The following SYCP2L variants were observed in gnomAD, a reference collection of about 807,000 sequenced individuals.
SYCP2L encodes the protein synaptonemal complex protein 2-like.
Under a neutral mutation model 125.8 loss-of-function variants are expected in SYCP2L, and 98 were observed. The ratio of observed to expected loss-of-function variants is 0.78; its 90% confidence interval spans 0.66 to 0.92. The LOEUF (loss-of-function observed/expected upper bound fraction) is 0.92, where lower values mean the gene tolerates loss of function less well. SYCP2L is among the 40% of genes least tolerant of loss of function. The pLI, the probability that SYCP2L is intolerant of heterozygous loss-of-function variation, is 0.00. For missense variants in SYCP2L, 842 were observed against 936.4 expected, an observed-to-expected ratio of 0.90 and a Z score of 1.32; for synonymous variants, 317 against 325.4, an observed-to-expected ratio of 0.97 and a Z score of 0.28.
rs180793080 is a variant in SYCP2L, at chr6:10,917,258, G to A, written c.1072+4331G>A. 3.4e-4 allele frequency among the ~76,000 whole-genome samples: 52 copies of A among 152,246 alleles called. 1 individual carries two copies. The East Asian group carries it at 7.5e-3, about 22-fold the overall frequency. Reference sequence around the variant, plus strand: ...TCAGTGGAGTATTGAAGTCCCCCACGATTATCGTGTTGCTGTCTATCTCAT... The same window carrying A: ...TCAGTGGAGTATTGAAGTCCCCCACAATTATCGTGTTGCTGTCTATCTCAT... On this transcript the variant is annotated intron_variant, in intron 14 of 29. Coordinates refer to ENST00000283141, the MANE Select transcript of SYCP2L (RefSeq NM_001040274.3).
rs748572933 is a variant in SYCP2L at position 10,954,663 on chromosome 6, C to G, written c.1955-453C>G. On this transcript the variant is annotated intron_variant, in intron 23 of 29. Transcript: ENST00000283141. The surrounding 1 kb of genome is among the most constrained non-coding windows in gnomAD (Gnocchi z 4.8). Reference sequence around the variant, plus strand: ...GAGCTGTGAGGAGGCAAGATGGCCTCGTTTATGACGTAGCCTTCAGCATAG... The same window carrying G: ...GAGCTGTGAGGAGGCAAGATGGCCTGGTTTATGACGTAGCCTTCAGCATAG... Among the ~76,000 whole-genome samples, 44 of 152,288 alleles carry G rather than the reference C, an allele frequency of 2.9e-4. No homozygotes were observed. Among genetic ancestry groups the G allele is most frequent in the Non-Finnish European group, 5.4e-4 (37 of 68,030 alleles).
intron 14 of SYCP2L, among the ~76,000 whole-genome samples, chr6:10,916,084 C>T (rs1473752436): frequency 1.3e-5 from 2 of 152,162 alleles, no homozygotes; most frequent in Non-Finnish European, 2.9e-5. Context: ...TCCATCTCTT[C>T]TAGGTTTTCT....
Position 10,954,988 on chromosome 6 carries a change from A to G in SYCP2L, c.1955-128A>G. The G allele has an allele frequency of 1.5e-6, 1 of 678,756 alleles. No individual in the cohort carries two copies. Among genetic ancestry groups the G allele is most frequent in the Non-Finnish European group, 2.6e-6 (1 of 377,636 alleles). 42.0% of individuals were successfully genotyped at this position (678,756 alleles called of 1,614,324 possible). A position where few individuals can be genotyped will look rare whatever the true frequency, so the allele number is the denominator to read the frequency against. On this transcript the variant is annotated intron_variant, in intron 23 of 29. Coordinates refer to ENST00000283141, the MANE Select transcript of SYCP2L (RefSeq NM_001040274.3). This position sits in a 1 kb window ranked among gnomAD's most constrained non-coding sequence, Gnocchi z 4.8. ...TGGTTTGTGCCTAGTCGATGCACCGAATGATAACTCATTAGCAACAGGCAG... is the reference window on the plus strand; with the variant it reads ...TGGTTTGTGCCTAGTCGATGCACCGGATGATAACTCATTAGCAACAGGCAG...
chr6:10,901,277 A>G (rs1201226584), intron 6 of SYCP2L, among the ~76,000 whole-genome samples: 1 of 152,202 alleles, frequency 6.6e-6, no homozygotes, highest in African/African-American at 2.4e-5. Context: ...AAGAAATGTA[A>G]GAGTATTAGG....
At chr6:10,945,167 A>T (rs999570397) in intron 23 of SYCP2L, among the ~76,000 whole-genome samples, 1 of 152,186 alleles carries the variant, frequency 6.6e-6, no homozygotes, top group African/African-American at 2.4e-5. Flanking sequence ...CTGTATGATT[A>T]TACCTTTTGA....
intron 28 of SYCP2L, chr6:10,963,177 A>G (rs1781621450): frequency 6.6e-6 from 1 of 152,376 alleles, no homozygotes; most frequent in Non-Finnish European, 1.5e-5. Flanking sequence ...TAAATACCTT[A>G]AAAACAACCA....
At chr6:10,937,871 T>G (rs1578068) in intron 21 of SYCP2L, among the ~76,000 whole-genome samples, 35,592 of 151,398 alleles carry the variant, frequency 0.24, 4,748 homozygotes, top group African/African-American at 0.36. Context: ...TATAAAGAAA[T>G]AGAAAAGCTG....
At chr6:10,897,588 T>G (rs910497609) in intron 4 of SYCP2L, among the ~76,000 whole-genome samples, 1 of 152,112 alleles carries the variant, frequency 6.6e-6, no homozygotes, top group African/African-American at 2.4e-5. Context: ...ATTTTTATAT[T>G]TTTTGTAGAG....
intron 12 of SYCP2L, among the ~76,000 whole-genome samples, chr6:10,911,184 A>C (rs149929733): frequency 6.6e-6 from 1 of 152,148 alleles, no homozygotes; most frequent in Non-Finnish European, 1.5e-5. Context: ...TCATGCCTAG[A>C]CTGGGGTAAA....
At chr6:10,967,294 C>T (rs868716939) in intron 29 of SYCP2L, among the ~76,000 whole-genome samples, 15 of 151,948 alleles carry the variant, frequency 9.9e-5, no homozygotes, top group African/African-American at 2.2e-4. Flanking sequence ...GAAAGCTTCC[C>T]GGTTTATTTT....
intron 2 of SYCP2L, among the ~76,000 whole-genome samples, chr6:10,893,153 C>G (rs1428728218): frequency 6.6e-6 from 1 of 151,742 alleles, no homozygotes; most frequent in Non-Finnish European, 1.5e-5. Flanking sequence ...CATGCGCCAC[C>G]ACGTCTGGCT....
intron 1 of SYCP2L, among the ~76,000 whole-genome samples, chr6:10,887,452 C>T (rs1228077199): frequency 6.6e-6 from 1 of 152,210 alleles, no homozygotes; most frequent in African/African-American, 2.4e-5. Context: ...TTTTCCAGCC[C>T]TCTTTCCACC....
rs199588082 is a variant in SYCP2L at position 10,887,147 on chromosome 6, C to A, written c.9+12C>A. 18 of 1,614,078 alleles carry A rather than the reference C, an allele frequency of 1.1e-5. No homozygotes were observed. In the East Asian group the frequency reaches 4.0e-4, roughly 36 times the overall value. On this transcript the variant is annotated intron_variant, in intron 1 of 29. Coordinates refer to ENST00000283141, the MANE Select transcript of SYCP2L (RefSeq NM_001040274.3). Reference sequence around the variant, plus strand: ...TCGTTATGCAAGCGGTGAGTGACCCCCGAAGGGCCCGGACCTTCTGTCCAC... The same window carrying A: ...TCGTTATGCAAGCGGTGAGTGACCCACGAAGGGCCCGGACCTTCTGTCCAC...
At chr6:10,926,781 CTT>C (rs774954530) in intron 16 of SYCP2L, among the ~76,000 whole-genome samples, 12 of 136,402 alleles carry the variant, frequency 8.8e-5, no homozygotes, top group Admixed American at 1.5e-4. Flanking sequence ...GATTTCTTTT[CTT>C]TTTTTTTTTT....
intron 23 of SYCP2L, among the ~76,000 whole-genome samples, chr6:10,943,252 C>G (rs1781254532): frequency 6.6e-6 from 1 of 152,128 alleles, no homozygotes; most frequent in Non-Finnish European, 1.5e-5. Context: ...TAATATAATA[C>G]TTTTCTACTG....
At chr6:10,925,953 T>C (rs561145979) in intron 15 of SYCP2L, among the ~76,000 whole-genome samples, 11 of 152,194 alleles carry the variant, frequency 7.2e-5, no homozygotes, top group Non-Finnish European at 1.3e-4. Flanking sequence ...AGGAGGCCCC[T>C]ATTCTAGGGA....
chr6:10,902,786 G>T, intron 7 of SYCP2L, 24 bp downstream of exon 7: 1 of 1,612,204 alleles, frequency 6.2e-7, no homozygotes, highest in Non-Finnish European at 8.5e-7. Context: ...AACAAAACAG[G>T]TAATAGTGGT....
Position 10,958,828 on chromosome 6 carries a change from A to T in SYCP2L, c.2208A>T (p.Lys736Asn). ...KRPFNSENAKKAPDCLIKLLN... is the reference protein window; with the variant it reads ...KRPFNSENAKNAPDCLIKLLN... ...CGTTTAATTCAGAAAATGCAAAGAA[A>T]GCACCGGATTGCCTAATAAAACTTT... Residue 736 changes from lysine (K) to asparagine (N), a missense_variant, in exon 26 of 30, where the codon AAA (lysine) becomes AAT (asparagine). By Grantham distance (94) the Lys-to-Asn change is moderately conservative. Transcript: ENST00000283141. 1 of 1,613,806 alleles carries T rather than the reference A, an allele frequency of 6.2e-7. No homozygotes were observed. The highest frequency in any genetic ancestry group is 8.5e-7 in the Non-Finnish European group (1 of 1,179,942).
Position 10,935,164 on chromosome 6 carries a change from C to T in SYCP2L, c.1790C>T (p.Ala597Val), listed in dbSNP as rs1455667053. 6 of 1,612,528 alleles carry T rather than the reference C, an allele frequency of 3.7e-6. No homozygotes were observed. The highest frequency in any genetic ancestry group is 4.2e-6 in the Non-Finnish European group (5 of 1,179,536). ...KFQDSFAFLT[A>V]EDSAQKTELQ... is the part of the protein sequence containing the mutation. ...CAAGATAGTTTTGCTTTTTTGACTG[C>T]TGAAGATTCTGCCCAGAAAACAGGT... The change falls in exon 21 of 30, where the codon GCT (alanine) becomes GTT (valine). Residue 597 changes from alanine to valine, a missense_variant. Ala to Val is a moderately conservative substitution (Grantham distance 64). Transcript: ENST00000283141.
Sources: allele counts gnomAD v4.1 joint callset (sites outside exome capture counted in the v4.1 genomes callset), GRCh38; gene constraint gnomAD v4.1.1; non-coding constraint Gnocchi (gnomAD v3.1); transcripts MANE v1.5; gene names NCBI Gene and HGNC (gene_info 2026-07-23, HGNC 2026-07-21).